ELK3: variants seen among roughly 807,000 people sequenced by gnomAD.
ELK3 encodes the protein ETS domain-containing protein Elk-3.
Under a neutral mutation model 28.9 loss-of-function variants are expected in ELK3, and 10 were observed. The ratio of observed to expected loss-of-function variants is 0.35; its 90% CI spans 0.21 to 0.59. The LOEUF (loss-of-function observed/expected upper bound fraction) is 0.59. Ranked by LOEUF, ELK3 falls within the 20% of genes least tolerant of loss-of-function variation. The pLI is 0.82. For synonymous variants in ELK3, 272 were observed against 243.5 expected, an observed-to-expected ratio of 1.12 and a Z score of -1.09; for missense variants, 463 against 517.3, an observed-to-expected ratio of 0.90 and a Z score of 1.02.
intron 2 of ELK3, among the ~76,000 whole-genome samples, chr12:96,236,817 A>G (rs1951787750): frequency 6.6e-6 from 1 of 152,228 alleles, no homozygotes; most frequent in Admixed American, 6.5e-5. Context: ...GCTCAAAACA[A>G]TAGAAATGTA....
chr12:96,217,202 GATC>G (rs960638689), intron 1 of ELK3, among the ~76,000 whole-genome samples: 4 of 152,278 alleles, frequency 2.6e-5, no homozygotes, highest in African/African-American at 9.6e-5. Context: ...AGTGAGCCAA[GATC>G]GTGCCACTGC....
chr12:96,234,562 A>C (rs1328460620), intron 2 of ELK3, among the ~76,000 whole-genome samples: 1 of 151,814 alleles, frequency 6.6e-6, no homozygotes, highest in Non-Finnish European at 1.5e-5. Context: ...GTGCTCCTCC[A>C]CGGCTCTTCT....
intron 2 of ELK3, among the ~76,000 whole-genome samples, chr12:96,245,722 G>A (rs1951850664): frequency 6.6e-6 from 1 of 152,126 alleles, no homozygotes. Flanking sequence ...ACAGGGCAAG[G>A]CACACGCAAG....
At chr12:96,260,009 A>C (rs1951981446) in intron 4 of ELK3, among the ~76,000 whole-genome samples, 156 bp downstream of exon 4, 2 of 152,230 alleles carry the variant, frequency 1.3e-5, no homozygotes, top group South Asian at 4.1e-4. Context: ...CGCCCTTCAG[A>C]GGCAGACATT....
chr12:96,248,328 C>T (rs1347998660), intron 3 of ELK3, among the ~76,000 whole-genome samples: 1 of 152,084 alleles, frequency 6.6e-6, no homozygotes, highest in African/African-American at 2.4e-5. Flanking sequence ...CTTGCAGAGC[C>T]AAAAAAGCCT....
At chr12:96,209,865 G>T (rs898853532) in intron 1 of ELK3, among the ~76,000 whole-genome samples, 8 of 151,156 alleles carry the variant, frequency 5.3e-5, no homozygotes, top group African/African-American at 1.9e-4. Context: ...AGAGGAGAAG[G>T]TTGAAATACA....
At chr12:96,260,000 G>A in intron 4 of ELK3, 147 bp downstream of exon 4, 2 of 1,090,302 alleles carry the variant, frequency 1.8e-6, no homozygotes, top group Non-Finnish European at 2.4e-6. Context: ...GGGGTTGCAC[G>A]CCCTTCAGAG....
chr12:96,251,765 G>C (rs1020750491), intron 3 of ELK3, among the ~76,000 whole-genome samples: 1 of 152,200 alleles, frequency 6.6e-6, no homozygotes, highest in South Asian at 2.1e-4. Flanking sequence ...TGCTGAGAGA[G>C]GCGAAGAAGC....
chr12:96,254,160 A>G (rs531697807), intron 3 of ELK3, among the ~76,000 whole-genome samples: 1 of 152,284 alleles, frequency 6.6e-6, no homozygotes, highest in East Asian at 1.9e-4. Context: ...CCCCATCTCT[A>G]CTAAAGATAA....
chr12:96,205,104 C>T (rs1019034305), intron 1 of ELK3, among the ~76,000 whole-genome samples: 2 of 152,236 alleles, frequency 1.3e-5, no homozygotes, highest in African/African-American at 4.8e-5. Flanking sequence ...AGCCCTGGTT[C>T]TGTGAGAGGG....
intron 1 of ELK3, among the ~76,000 whole-genome samples, chr12:96,217,656 C>T (rs188159243): frequency 5.6e-4 from 85 of 152,276 alleles, no homozygotes; most frequent in Non-Finnish European, 8.8e-4. Context: ...AATTCCTCAG[C>T]TGGGCACAGT....
In ELK3 at chr12:96,199,683, A is replaced by G. The variant is rs541419715; in HGVS notation, c.-3+4978A>G. 5.2e-4 allele frequency among the ~76,000 whole-genome samples: 79 copies of G among 152,310 alleles called. 2 individuals are homozygous for G. The South Asian group carries it at 0.014, about 26-fold the overall frequency. ...CATATATGTCAGCAGTTTTAAAGTA[A>G]ACTTTGAACTAGTCATTTCAATAAA... On this transcript the variant is annotated intron_variant, in intron 1 of 4. Transcript: ENST00000228741.
chr12:96,263,842 CTCTT>C (rs745576027), intron 4 of ELK3, among the ~76,000 whole-genome samples: 4 of 152,162 alleles, frequency 2.6e-5, no homozygotes, highest in Admixed American at 6.5e-5. Context: ...AGGAATTTCT[CTCTT>C]TATCTGTTAA....
intron 4 of ELK3, among the ~76,000 whole-genome samples, chr12:96,263,002 C>T (rs552619894): frequency 5.0e-4 from 76 of 152,008 alleles, no homozygotes; most frequent in Non-Finnish European, 9.9e-4. Context: ...AACAACAAAC[C>T]TCTTTCATGT....
In ELK3 at chr12:96,247,943, G is replaced by T. The variant is rs138186713; in HGVS notation, c.1002+209G>T. On this transcript the variant is annotated intron_variant, in intron 3 of 4. Transcript: ENST00000228741. This position sits in a 1 kb window ranked among gnomAD's most constrained non-coding sequence, Gnocchi z 5.5. Reference sequence around the variant, plus strand: ...AGGGTTTGGTTTGTCGACTCTAGTGGGATGCTTGATTGGTTTCTTGCTTTT... The same window carrying T: ...AGGGTTTGGTTTGTCGACTCTAGTGTGATGCTTGATTGGTTTCTTGCTTTT... 3.7e-3 allele frequency among the ~76,000 whole-genome samples: 564 copies of T among 152,304 alleles called. 7 individuals carry two copies. The highest frequency in any genetic ancestry group is 0.013 in the African/African-American group (526 of 41,570).
intron 3 of ELK3, among the ~76,000 whole-genome samples, chr12:96,251,258 T>TAC (rs1301911003): frequency 6.6e-6 from 1 of 152,210 alleles, no homozygotes; most frequent in African/African-American, 2.4e-5. Flanking sequence ...CACACCTGTA[T>TAC]AAGACAGCAA....
At chr12:96,196,093 A>G (rs1406487449) in intron 1 of ELK3, among the ~76,000 whole-genome samples, 1 of 152,150 alleles carries the variant, frequency 6.6e-6, no homozygotes, top group Non-Finnish European at 1.5e-5. Context: ...GAGCCCCCTT[A>G]GTCATTGCTA....
intron 2 of ELK3, 54 bp downstream of exon 2, chr12:96,223,827 C>A: frequency 6.5e-7 from 1 of 1,549,784 alleles, no homozygotes; most frequent in Non-Finnish European, 8.9e-7. Context: ...ATCCCCTCTG[C>A]GTAGTTCACT....
intron 1 of ELK3, among the ~76,000 whole-genome samples, chr12:96,203,128 G>C (rs532268476): frequency 6.6e-6 from 1 of 152,058 alleles, no homozygotes; most frequent in Non-Finnish European, 1.5e-5. Flanking sequence ...TGATCCACCC[G>C]CCTCAGCTTC....
Sources: allele counts gnomAD v4.1 joint callset (sites outside exome capture counted in the v4.1 genomes callset), GRCh38; gene constraint gnomAD v4.1.1; non-coding constraint Gnocchi (gnomAD v3.1); transcripts MANE v1.5; gene names NCBI Gene and HGNC (gene_info 2026-07-23, HGNC 2026-07-21).